ZFHX3: variants seen among roughly 807,000 people sequenced by gnomAD.
The protein encoded by ZFHX3 is zinc finger homeobox protein 3.
A neutral mutation model predicts 279.1 loss-of-function variants in ZFHX3; 42 were observed. That is an observed-to-expected ratio of 0.15 (90% CI 0.12 to 0.19). The LOEUF (loss-of-function observed/expected upper bound fraction) is 0.19, where lower values mean the gene tolerates loss of function less well. ZFHX3 is among the 10% of genes least tolerant of loss of function. The probability of loss-of-function intolerance (pLI) is 1.00; values close to 1 mark genes in which losing one functional copy is unlikely to be tolerated. For missense variants in ZFHX3, 4,981 were observed against 4,754.0 expected (o/e 1.05, Z -1.40); for synonymous variants, 2,293 against 1,957.8 (o/e 1.17, Z -4.52).
At chr16:72,995,918 C>T (rs1204812290) in intron 1 of ZFHX3, among the ~76,000 whole-genome samples, 3 of 152,292 alleles carry the variant, frequency 2.0e-5, no homozygotes, top group Non-Finnish European at 2.9e-5. Context: ...CAGAATTTCT[C>T]GATGTTCTGC....
intron 1 of ZFHX3, among the ~76,000 whole-genome samples, chr16:73,731,231 A>G (rs1362763721): frequency 1.3e-5 from 2 of 152,204 alleles, no homozygotes; most frequent in South Asian, 2.1e-4. Flanking sequence ...TGTCAGTTTT[A>G]ATAAGAGGAG....
At chr16:73,542,696 A>G (rs186917436) in intron 2 of ZFHX3, among the ~76,000 whole-genome samples, 12 of 152,344 alleles carry the variant, frequency 7.9e-5, no homozygotes, top group Admixed American at 7.8e-4. Context: ...ATGCCCAGTT[A>G]AATGTGAATT....
In ZFHX3 at chr16:73,746,783, T is replaced by C. The variant is rs994836230; in HGVS notation, c.-1607-66543A>G. 3.9e-5 allele frequency among the ~76,000 whole-genome samples: 6 copies of C among 152,202 alleles called. No individual in the cohort carries two copies. The South Asian group carries it at 8.3e-4, about 21-fold the overall frequency. On this transcript the variant is annotated intron_variant, in intron 1 of 17. Coordinates refer to the ZFHX3 transcript ENST00000641206. ...ACAAATGCCCTGAAATTATCATTTA[T>C]ATGAAAACAAAACAGACCAAAATCT... is the stretch of plus-strand genomic sequence containing the variant.
chr16:73,786,635 G>T lies in ZFHX3; in HGVS notation c.-1608+105016C>A, dbSNP rs116741059. Among the ~76,000 whole-genome samples, 925 of 152,246 alleles carry T rather than the reference G, an allele frequency of 6.1e-3. 10 individuals carry two copies. Among genetic ancestry groups the T allele is most frequent in the African/African-American group, 0.022 (895 of 41,548 alleles). On this transcript the variant is annotated intron_variant, in intron 1 of 17. Coordinates refer to the ZFHX3 transcript ENST00000641206. ...GGGCCAAAGAGGTCTCAATATTTCA[G>T]ATGCCAACCTCATTTCATTCCCATG...
intron 1 of ZFHX3, among the ~76,000 whole-genome samples, chr16:73,864,770 T>C (rs888105184): frequency 6.8e-6 from 1 of 146,472 alleles, no homozygotes; most frequent in African/African-American, 2.6e-5. Context: ...GGACTTGACA[T>C]AGCCTGGCAG....
intron 3 of ZFHX3, among the ~76,000 whole-genome samples, chr16:73,326,805 A>G (rs1054632917): frequency 6.6e-6 from 1 of 152,198 alleles, no homozygotes; most frequent in African/African-American, 2.4e-5. Context: ...ACAAAACCTG[A>G]AGCTATAGCC....
At chr16:72,964,236 T>A (rs1248130107) in intron 1 of ZFHX3, among the ~76,000 whole-genome samples, 2 of 152,120 alleles carry the variant, frequency 1.3e-5, no homozygotes, top group Non-Finnish European at 2.9e-5. Flanking sequence ...ACCCAAGCAA[T>A]GCATGGAGAT....
chr16:72,808,859 G>T (rs1312271895), intron 7 of ZFHX3, among the ~76,000 whole-genome samples: 1 of 152,240 alleles, frequency 6.6e-6, no homozygotes, highest in African/African-American at 2.4e-5. Flanking sequence ...CGGAGGGTCA[G>T]TAACAGTGGT....
At chr16:73,823,351 G>C (rs1015614822) in intron 1 of ZFHX3, among the ~76,000 whole-genome samples, 1 of 152,128 alleles carries the variant, frequency 6.6e-6, no homozygotes, top group Non-Finnish European at 1.5e-5. Context: ...AGACAAGATA[G>C]AGACACAATG....
At chr16:73,177,665 A>AT (rs921761845) in intron 5 of ZFHX3, among the ~76,000 whole-genome samples, 3 of 152,194 alleles carry the variant, frequency 2.0e-5, no homozygotes, top group African/African-American at 4.8e-5. Context: ...ACCAAATACA[A>AT]TTTTTTGGGT....
chr16:72,919,223 G>A (rs1355602637), intron 3 of ZFHX3, among the ~76,000 whole-genome samples: 1 of 151,444 alleles, frequency 6.6e-6, no homozygotes, highest in East Asian at 2.0e-4. Context: ...CAGAGGTATA[G>A]TCACAGCTCA....
rs35974156 is a variant in ZFHX3, at chr16:73,352,474, CTTTTTTTTTTTTTTTTTT to C, written c.-1290-34156_-1290-34139del. On this transcript the variant is annotated intron_variant, in intron 3 of 17. Transcript: ENST00000641206. ...CTTTGGTTTCTCTCTCTCTCTCTCTCTTTTTTTTTTTTTTTTTTTTTTTTTTTGGAGACAGAGTCTGTC... is the reference window on the plus strand; with the variant it reads ...CTTTGGTTTCTCTCTCTCTCTCTCTCTTTTTTTTTGGAGACAGAGTCTGTC... Among the ~76,000 whole-genome samples, 5 of 53,256 alleles carry C rather than the reference CTTTTTTTTTTTTTTTTTT, an allele frequency of 9.4e-5. No homozygotes were observed. In the Admixed American group the frequency reaches 1.1e-3, roughly 11 times the overall value. 34.9% of individuals were successfully genotyped at this position (53,256 alleles called of 152,430 possible).
At chr16:73,585,999 A>T (rs2051922162) in intron 2 of ZFHX3, among the ~76,000 whole-genome samples, 2 of 152,218 alleles carry the variant, frequency 1.3e-5, no homozygotes, top group South Asian at 2.1e-4. Context: ...ACAAATATAA[A>T]ATACAAAATA....
At chr16:73,157,198 C>T (rs1345741823) in intron 5 of ZFHX3, among the ~76,000 whole-genome samples, 1 of 152,110 alleles carries the variant, frequency 6.6e-6, no homozygotes, top group Non-Finnish European at 1.5e-5. Flanking sequence ...AGTTCCCTTT[C>T]CTTACCCAGC....
intron 1 of ZFHX3, among the ~76,000 whole-genome samples, chr16:73,745,349 G>C (rs552441118): frequency 9.8e-4 from 149 of 152,272 alleles, no homozygotes; most frequent in Non-Finnish European, 1.7e-3. Flanking sequence ...TAAGAGCAGA[G>C]GACAAGGAGG....
chr16:73,070,710 G>GTCTC (rs3081669), intron 8 of ZFHX3, among the ~76,000 whole-genome samples: 98 of 148,174 alleles, frequency 6.6e-4, no homozygotes, highest in East Asian at 3.1e-3. Flanking sequence ...TGACATCATT[G>GTCTC]TCTCTCTCTC....
chr16:73,265,189 A>G (rs1284885045), intron 4 of ZFHX3, among the ~76,000 whole-genome samples: 1 of 152,004 alleles, frequency 6.6e-6, no homozygotes, highest in Admixed American at 6.6e-5. Flanking sequence ...TTGTGCTGCT[A>G]TAAACACACA....
At chr16:73,377,711 A>T (rs1163864617) in intron 3 of ZFHX3, among the ~76,000 whole-genome samples, 1 of 151,486 alleles carries the variant, frequency 6.6e-6, no homozygotes, top group Non-Finnish European at 1.5e-5. Context: ...TATTATAAAC[A>T]ATGCTGCAAT....
At chr16:73,653,613 G>A (rs903560047) in intron 2 of ZFHX3, among the ~76,000 whole-genome samples, 1 of 150,214 alleles carries the variant, frequency 6.7e-6, no homozygotes. Flanking sequence ...GTGAAAATTC[G>A]GAAAAGTTAT....
Sources: gnomAD v4.1 joint callset for allele counts (sites outside exome capture counted in the v4.1 genomes callset) on GRCh38, gnomAD v4.1.1 for gene constraint, MANE v1.5 for transcripts, NCBI Gene and HGNC (gene_info 2026-07-23, HGNC 2026-07-21) for gene names.